ACO1: variants seen among roughly 807,000 people sequenced by gnomAD.
The protein encoded by ACO1 is aconitase 1.
Under a neutral mutation model 105.1 loss-of-function variants are expected in ACO1, and 78 were observed. That is an observed-to-expected ratio of 0.74 (90% CI 0.62 to 0.90). ACO1 has a LOEUF of 0.90. Ranked by LOEUF, ACO1 falls within the 40% of genes least tolerant of loss-of-function variation. The probability of loss-of-function intolerance (pLI) is 0.00; values close to 1 mark genes in which losing one functional copy is unlikely to be tolerated. For synonymous variants in ACO1, 364 were observed against 397.4 expected (o/e 0.92, Z 1.00); for missense variants, 965 against 1,111.1 (o/e 0.87, Z 1.87).
At chr9:32,448,075 T>C (rs541676647) in intron 19 of ACO1, among the ~76,000 whole-genome samples, 2 of 152,246 alleles carry the variant, frequency 1.3e-5, no homozygotes, top group African/African-American at 4.8e-5. Flanking sequence ...AATGCTGTGC[T>C]GGGAGGACCA....
chr9:32,429,516 G>A lies in ACO1; in HGVS notation c.1569+13G>A. 6.2e-7 allele frequency: 1 copy of A among 1,602,012 alleles called. No individual in the cohort carries two copies. The highest frequency in any genetic ancestry group is 8.5e-7 in the Non-Finnish European group (1 of 1,170,332). ...AGCCATCACACAGGTAATTGCAGAG[G>A]TCCCTGCAGGTCTTCAGAGCAGTTG... On this transcript the variant is annotated intron_variant, in intron 13 of 20. Transcript: ENST00000309951.
intron 14 of ACO1, among the ~76,000 whole-genome samples, chr9:32,431,423 G>A (rs973962448): frequency 3.9e-5 from 6 of 152,216 alleles, no homozygotes; most frequent in African/African-American, 1.2e-4. Context: ...ACTGTGATGC[G>A]TACTGTGTTT....
intron 1 of ACO1, among the ~76,000 whole-genome samples, chr9:32,401,464 G>A (rs1343803719): frequency 1.3e-5 from 2 of 150,068 alleles, no homozygotes; most frequent in African/African-American, 2.5e-5. Context: ...GGGCCTCTCT[G>A]TCTTCCTCTG....
At chr9:32,424,396 A>T (rs1374628549) in intron 9 of ACO1, among the ~76,000 whole-genome samples, 153 bp from the exon 10 acceptor site, 7 of 152,226 alleles carry the variant, frequency 4.6e-5, no homozygotes, top group African/African-American at 1.7e-4. Context: ...AATTAAGAGG[A>T]TTAAGAGAAA....
chr9:32,391,375 G>A (rs1380273343), intron 1 of ACO1, among the ~76,000 whole-genome samples: 4 of 152,216 alleles, frequency 2.6e-5, no homozygotes, highest in Admixed American at 2.0e-4. Context: ...CATGTCTTTG[G>A]GAGACGGAAC....
intron 19 of ACO1, among the ~76,000 whole-genome samples, chr9:32,446,756 A>G (rs554920177): frequency 1.3e-5 from 2 of 152,226 alleles, no homozygotes; most frequent in South Asian, 4.1e-4. Flanking sequence ...TGCTTTCCTC[A>G]GGAGCTCTTG....
chr9:32,454,583 G>A lies in ACO1; in HGVS notation c.*4472G>A, dbSNP rs910344574. ...ATGTGTCCATGAAAAAGACTCCCCA[G>A]TTGTTTCTAAAATGTGGCCTTTGTT... On this transcript the variant is annotated 3_prime_UTR_variant, in exon 21 of 21. Coordinates refer to ENST00000309951, the MANE Select transcript of ACO1 (RefSeq NM_002197.3). 6.6e-6 allele frequency: 1 copy of A among 152,166 alleles called. No homozygotes were observed. Among genetic ancestry groups the A allele is most frequent in the Non-Finnish European group, 1.5e-5 (1 of 68,030 alleles). The allele number at this position is 152,166 out of a possible 1,614,324, so 9.4% of individuals were successfully genotyped here. A position where few individuals can be genotyped will look rare whatever the true frequency, so the allele number is the denominator to read the frequency against.
intron 13 of ACO1, 59 bp from the exon 14 acceptor site, chr9:32,430,359 G>C: frequency 6.5e-7 from 1 of 1,527,164 alleles, no homozygotes; most frequent in Non-Finnish European, 8.9e-7. Context: ...CCAATGGTCT[G>C]AGACAAGAAG....
rs16918276 is a variant in ACO1 at position 32,439,797 on chromosome 9, C to T, written c.2248-668C>T. ...ACATCACCGAGTTTCTGATATTGAG[C>T]CAAAATGTTTAGGTCACATTCTGTT... On this transcript the variant is annotated intron_variant, in intron 18 of 20. Transcript: ENST00000309951. This position sits in a 1 kb window ranked among gnomAD's most constrained non-coding sequence, Gnocchi z 4.0. Among the ~76,000 whole-genome samples, 8,555 of 152,104 alleles carry T rather than the reference C, an allele frequency of 0.056. 786 individuals are homozygous for T. The highest frequency in any genetic ancestry group is 0.19 in the African/African-American group (7,847 of 41,440).
chr9:32,441,748 G>A lies in ACO1; in HGVS notation c.2370+1161G>A, dbSNP rs143888341. ...GGATAAGAAGAGAACTGGCCCCCAGGGGTTCTCTAGAGTCCAGACTTTTCT... is the reference window on the plus strand; with the variant it reads ...GGATAAGAAGAGAACTGGCCCCCAGAGGTTCTCTAGAGTCCAGACTTTTCT... On this transcript the variant is annotated intron_variant, in intron 19 of 20. Coordinates refer to ENST00000309951, the MANE Select transcript of ACO1 (RefSeq NM_002197.3). Among the ~76,000 whole-genome samples the A allele has an allele frequency of 1.4e-3, 216 of 152,272 alleles. 1 individual carries two copies. Among genetic ancestry groups the A allele is most frequent in the African/African-American group, 5.0e-3 (206 of 41,546 alleles).
At chr9:32,421,798 A>C (rs1188319379) in intron 8 of ACO1, among the ~76,000 whole-genome samples, 3 of 152,150 alleles carry the variant, frequency 2.0e-5, no homozygotes, top group Non-Finnish European at 2.9e-5. Flanking sequence ...GATAATGAGA[A>C]AGAAAGGGGA....
chr9:32,436,387 C>T lies in ACO1; in HGVS notation c.2237C>T (p.Ser746Phe), dbSNP rs904424538. The change falls in exon 18 of 21, where the codon TCT (serine) becomes TTT (phenylalanine). Residue 746 changes from serine to phenylalanine, a missense_variant. Physicochemically the swap from Ser to Phe is radical, Grantham distance 155. Transcript: ENST00000309951. ...GCACCACAGACTATCCATCTGCCTT[C>T]TGGGGAAATCGTGAGTATTGTCTTC... ...KQAPQTIHLP[S>F]GEILDVFDAA... is the part of the protein sequence containing the mutation. 6.2e-7 allele frequency: 1 copy of T among 1,613,952 alleles called. No homozygotes were observed. Among genetic ancestry groups the T allele is most frequent in the African/African-American group, 1.3e-5 (1 of 74,924 alleles).
chr9:32,437,511 A>G (rs1822387697), intron 18 of ACO1, among the ~76,000 whole-genome samples: 1 of 152,246 alleles, frequency 6.6e-6, no homozygotes, highest in South Asian at 2.1e-4. Flanking sequence ...GAATGATGGA[A>G]TACCTTAGAG....
Position 32,439,719 on chromosome 9 carries a change from T to C in ACO1, c.2248-746T>C, listed in dbSNP as rs532694843. Among the ~76,000 whole-genome samples, 7 of 152,370 alleles carry C rather than the reference T, an allele frequency of 4.6e-5. No individual in the cohort carries two copies. In the South Asian group the frequency reaches 8.3e-4, roughly 18 times the overall value. On this transcript the variant is annotated intron_variant, in intron 18 of 20. Coordinates refer to ENST00000309951, the MANE Select transcript of ACO1 (RefSeq NM_002197.3). The surrounding 1 kb of genome is among the most constrained non-coding windows in gnomAD (Gnocchi z 4.0). ...AGGGGACTGATAAAAGTTTGCACTT[T>C]ATATAATTTCAGAACATGTTACCTT...
intron 18 of ACO1, among the ~76,000 whole-genome samples, chr9:32,438,754 T>A (rs1822417406): frequency 6.6e-6 from 1 of 152,178 alleles, no homozygotes; most frequent in Admixed American, 6.5e-5. Flanking sequence ...GTAAATAGTA[T>A]TTATGTAGTC....
At chr9:32,411,169 G>C (rs888287613) in intron 4 of ACO1, among the ~76,000 whole-genome samples, 1 of 152,216 alleles carries the variant, frequency 6.6e-6, no homozygotes, top group African/African-American at 2.4e-5. Context: ...CCCGTCTTCG[G>C]TGGAAGTAAC....
chr9:32,386,580 T>TC (rs1821160570), intron 1 of ACO1: 2 of 152,214 alleles, frequency 1.3e-5, no homozygotes, highest in Non-Finnish European at 2.9e-5. Flanking sequence ...CCATAGAGCC[T>TC]CTTGTGCTCT....
chr9:32,450,347 T>C lies in ACO1; in HGVS notation c.*236T>C, dbSNP rs927064979. On this transcript the variant is annotated 3_prime_UTR_variant, in exon 21 of 21. Transcript: ENST00000309951. ...AATTTGGAAGCTAGAATGGTGGGAA[T>C]GTCAGTAGTGCCAGAAAGAGAGAAC... 3.9e-5 allele frequency: 23 copies of C among 586,512 alleles called. No homozygotes were observed. In the Admixed American group the frequency reaches 5.6e-4, roughly 14 times the overall value. 36.3% of individuals were successfully genotyped at this position (586,512 alleles called of 1,614,324 possible).
chr9:32,424,926 G>A (rs1236997574), intron 10 of ACO1, among the ~76,000 whole-genome samples: 1 of 140,988 alleles, frequency 7.1e-6, no homozygotes, highest in Non-Finnish European at 1.6e-5. Context: ...TTACTCACCC[G>A]AGGTTTTCTA....
Sources: gnomAD v4.1 joint callset for allele counts (sites outside exome capture counted in the v4.1 genomes callset) on GRCh38, gnomAD v4.1.1 for gene constraint, Gnocchi (gnomAD v3.1) non-coding constraint, MANE v1.5 for transcripts, NCBI Gene and HGNC (gene_info 2026-07-23, HGNC 2026-07-21) for gene names.